LMBRD1: variants seen among roughly 807,000 people sequenced by gnomAD.
The protein encoded by LMBRD1 is LMBR1 domain containing 1.
A neutral mutation model predicts 74.8 loss-of-function variants in LMBRD1; 64 were observed. The ratio of observed to expected loss-of-function variants is 0.86; its 90% confidence interval spans 0.70 to 1.05. The LOEUF is 1.05. LMBRD1 is among the 50% of genes least tolerant of loss of function. The pLI is 0.00. For synonymous variants in LMBRD1, 204 were observed against 216.3 expected, an observed-to-expected ratio of 0.94 and a Z score of 0.50; for missense variants, 652 against 645.9, an observed-to-expected ratio of 1.01 and a Z score of -0.10.
intron 14 of LMBRD1, among the ~76,000 whole-genome samples, chr6:69,682,631 A>T (rs969574732): frequency 7.9e-5 from 12 of 152,004 alleles, no homozygotes; most frequent in Non-Finnish European, 1.3e-4. Context: ...AATTACTGAG[A>T]CTTACTATCT....
At chr6:69,710,467 C>T (rs184773061) in intron 9 of LMBRD1, among the ~76,000 whole-genome samples, 123 of 151,944 alleles carry the variant, frequency 8.1e-4, no homozygotes, top group Non-Finnish European at 1.4e-3. Flanking sequence ...AAATATGAAC[C>T]AAAAATAGAC....
intron 1 of LMBRD1, 72 bp from the exon 2 acceptor site, chr6:69,790,544 G>A (rs996375404): frequency 4.8e-5 from 70 of 1,471,050 alleles, no homozygotes; most frequent in Non-Finnish European, 6.5e-5. Flanking sequence ...GTGTTTGAAA[G>A]TTTCTAGCAG....
chr6:69,744,630 T>C (rs898425251), intron 5 of LMBRD1, among the ~76,000 whole-genome samples: 2 of 152,218 alleles, frequency 1.3e-5, no homozygotes, highest in African/African-American at 4.8e-5. Flanking sequence ...AATAAGATGT[T>C]CACTTCTTAC....
intron 3 of LMBRD1, among the ~76,000 whole-genome samples, chr6:69,760,284 C>T (rs557154516): frequency 6.6e-6 from 1 of 152,276 alleles, no homozygotes; most frequent in Non-Finnish European, 1.5e-5. Context: ...CTTCAATAAT[C>T]TGTATAAATG....
chr6:69,705,620 CTTA>C, intron 9 of LMBRD1: 1 of 937,942 alleles, frequency 1.1e-6, no homozygotes, highest in Non-Finnish European at 1.7e-6. Context: ...CTTCAGTTTC[CTTA>C]TTATCAAAAT....
At chr6:69,686,072 A>G (rs1765758258) in intron 14 of LMBRD1, among the ~76,000 whole-genome samples, 1 of 152,186 alleles carries the variant, frequency 6.6e-6, no homozygotes, top group African/African-American at 2.4e-5. Flanking sequence ...GAAGAAGCGA[A>G]TAACTACTTT....
intron 2 of LMBRD1, among the ~76,000 whole-genome samples, chr6:69,783,912 T>C (rs1765890453): frequency 6.6e-6 from 1 of 152,184 alleles, no homozygotes; most frequent in Non-Finnish European, 1.5e-5. Flanking sequence ...AGCAAAAGAA[T>C]CATTGAAATT....
intron 2 of LMBRD1, among the ~76,000 whole-genome samples, chr6:69,785,822 T>G (rs1562126381): frequency 6.6e-6 from 1 of 152,192 alleles, no homozygotes; most frequent in African/African-American, 2.4e-5. Flanking sequence ...GATCTCAGCT[T>G]TTACCAAAGC....
intron 9 of LMBRD1, among the ~76,000 whole-genome samples, chr6:69,706,730 T>C (rs954547689): frequency 6.6e-6 from 1 of 152,274 alleles, no homozygotes. Context: ...GAATCTCCCA[T>C]AGTTTTTGCT....
chr6:69,739,466 A>G (rs1231530207), intron 6 of LMBRD1, among the ~76,000 whole-genome samples: 1 of 150,856 alleles, frequency 6.6e-6, no homozygotes. Flanking sequence ...TATAGTCATA[A>G]AATGCATTAC....
At chr6:69,702,734 T>C (rs1322323337) in intron 9 of LMBRD1, among the ~76,000 whole-genome samples, 1 of 151,882 alleles carries the variant, frequency 6.6e-6, no homozygotes, top group East Asian at 1.9e-4. Context: ...GGCTAAAGAG[T>C]TGTCAAGACC....
At chr6:69,690,110 T>C (rs965947467) in intron 14 of LMBRD1, among the ~76,000 whole-genome samples, 2 of 152,026 alleles carry the variant, frequency 1.3e-5, no homozygotes, top group Non-Finnish European at 2.9e-5. Context: ...TATTTTGAGC[T>C]GATCTTATTC....
chr6:69,778,213 A>G (rs1765746525), intron 3 of LMBRD1, among the ~76,000 whole-genome samples: 1 of 152,242 alleles, frequency 6.6e-6, no homozygotes, highest in African/African-American at 2.4e-5. Flanking sequence ...CAACTATCCT[A>G]TTCAAAGCAA....
intron 3 of LMBRD1, among the ~76,000 whole-genome samples, chr6:69,774,578 T>TGC (rs1272983623): frequency 6.6e-6 from 1 of 152,106 alleles, no homozygotes; most frequent in Non-Finnish European, 1.5e-5. Flanking sequence ...GTTGTAGAAA[T>TGC]AGGGAGAGGC....
chr6:69,709,093 G>T (rs947041332), intron 9 of LMBRD1, among the ~76,000 whole-genome samples: 7 of 152,102 alleles, frequency 4.6e-5, no homozygotes, highest in African/African-American at 1.4e-4. Context: ...AATTAGCCAG[G>T]CGTGGTGGCA....
At chr6:69,770,205 C>A (rs1765549916) in intron 3 of LMBRD1, among the ~76,000 whole-genome samples, 1 of 152,154 alleles carries the variant, frequency 6.6e-6, no homozygotes, top group South Asian at 2.1e-4. Flanking sequence ...TAGAAGTGAG[C>A]ACCACCCAAC....
In LMBRD1 at chr6:69,754,235, T is replaced by A. The variant is rs149847370; in HGVS notation, c.308-1879A>T. 9.8e-3 allele frequency among the ~76,000 whole-genome samples: 1,494 copies of A among 152,210 alleles called. 14 individuals are homozygous for A. The highest frequency in any genetic ancestry group is 0.015 in the Non-Finnish European group (1,042 of 68,014). On this transcript the variant is annotated intron_variant, in intron 3 of 15. Coordinates refer to ENST00000649934, the MANE Select transcript of LMBRD1 (RefSeq NM_018368.4). ...GAATGGCACCAATGGCTGCATATTATGAATATATTTAATACCACTGAATAG... is the reference window on the plus strand; with the variant it reads ...GAATGGCACCAATGGCTGCATATTAAGAATATATTTAATACCACTGAATAG...
intron 1 of LMBRD1, among the ~76,000 whole-genome samples, chr6:69,795,304 C>G (rs1407650261): frequency 6.6e-6 from 1 of 152,220 alleles, no homozygotes; most frequent in Non-Finnish European, 1.5e-5. Flanking sequence ...TATCCAAACT[C>G]TACCACAATT....
intron 3 of LMBRD1, among the ~76,000 whole-genome samples, chr6:69,776,053 C>T (rs943638127): frequency 1.3e-5 from 2 of 152,176 alleles, no homozygotes; most frequent in African/African-American, 4.8e-5. Context: ...GCAATATTAA[C>T]AAATGTGGTT....
Sources: allele counts gnomAD v4.1 joint callset (sites outside exome capture counted in the v4.1 genomes callset), GRCh38; gene constraint gnomAD v4.1.1; transcripts MANE v1.5; gene names NCBI Gene and HGNC (gene_info 2026-07-23, HGNC 2026-07-21).